ITGAX: variants seen among roughly 807,000 people sequenced by gnomAD.
ITGAX encodes integrin alpha-X.
Under a neutral mutation model 140.2 loss-of-function variants are expected in ITGAX, and 99 were observed. That is an observed-to-expected ratio of 0.71 (90% CI 0.60 to 0.83). The LOEUF (loss-of-function observed/expected upper bound fraction) is 0.83, where lower values mean the gene tolerates loss of function less well. Ranked by LOEUF, ITGAX falls within the 40% of genes least tolerant of loss-of-function variation. ITGAX has a pLI of 0.00. For synonymous variants in ITGAX, 631 were observed against 600.4 expected (o/e 1.05, Z -0.75); for missense variants, 1,444 against 1,482.0 (o/e 0.97, Z 0.42).
intron 14 of ITGAX, among the ~76,000 whole-genome samples, chr16:31,369,289 ACC>A (rs34126382): frequency 0.049 from 5,980 of 121,100 alleles, 527 homozygotes; most frequent in African/African-American, 0.16. Flanking sequence ...CGGGGGGCTG[ACC>A]CCCCCCCCCA....
At position 31,371,433 on chromosome 16, in the gene ITGAX, G is replaced by C. The variant is rs2080958385; in HGVS notation, c.1941G>C (p.Gln647His). ...FECREQVVSE[Q>H]TLVQSNICLY... ...GTCGGGAGCAGGTGGTCTCTGAGCA[G>C]ACCCTGGTACAGTCCAACATCTGCC... is the stretch of plus-strand genomic sequence containing the variant. The change falls in exon 16 of 30, where the codon CAG becomes CAC. Residue 647 changes from glutamine (Q) to histidine (H), a missense_variant. Gln to His is a conservative substitution (Grantham distance 24). Coordinates refer to ENST00000268296, the MANE Select transcript of ITGAX (RefSeq NM_000887.5). 1 of 1,614,176 alleles carries C rather than the reference G, an allele frequency of 6.2e-7. No homozygotes were observed. Among genetic ancestry groups the C allele is most frequent in the Non-Finnish European group, 8.5e-7 (1 of 1,180,040 alleles).
Position 31,381,898 on chromosome 16 carries a change from T to C in ITGAX, c.3483T>C (p.Ser1161=). 1 of 915,502 alleles carries C rather than the reference T, an allele frequency of 1.1e-6. No individual in the cohort carries two copies. Among genetic ancestry groups the C allele is most frequent in the Non-Finnish European group, 1.8e-6 (1 of 541,198 alleles). The allele number at this position is 915,502 out of a possible 1,614,324, so 56.7% of individuals were successfully genotyped here. The change falls in exon 30 of 30, where the codon AGT becomes AGC. Residue 1161 remains serine (S), a synonymous_variant. Coordinates refer to ENST00000268296, the MANE Select transcript of ITGAX (RefSeq NM_000887.5). ...GGACACAGACCCCCAGCCCGCCCAG[T>C]GAGAAATGATCCCCTCTTTGCCTTG... ...ENGTQTPSPP[S]EK
rs556834032 is a variant in ITGAX, at chr16:31,362,857, C to A, written c.1360-78C>A. ...GAGGGCCTTGGGGGAGGTCCTGGTA[C>A]CTGGGGAGAGGTGGGACCTGGCCCA... On this transcript the variant is annotated intron_variant, in intron 12 of 29. Coordinates refer to ENST00000268296, the MANE Select transcript of ITGAX (RefSeq NM_000887.5). The A allele has an allele frequency of 1.9e-6, 3 of 1,606,168 alleles. No homozygotes were observed. The highest frequency in any genetic ancestry group is 2.5e-6 in the Non-Finnish European group (3 of 1,176,822).
intron 20 of ITGAX, among the ~76,000 whole-genome samples, chr16:31,374,410 A>C (rs2081000729): frequency 6.6e-6 from 1 of 152,156 alleles, no homozygotes; most frequent in Non-Finnish European, 1.5e-5. Flanking sequence ...CATTTGTTTC[A>C]TCAATTTTTC....
In ITGAX at chr16:31,362,727, A is replaced by T; in HGVS notation, c.1333A>T (p.Met445Leu). The stretch of plus-strand genomic sequence containing the variant: ...CACCCAGGTGTCCAGGCAATGGAGG[A>T]TGAAGGCCGAAGTCACGGGGACTCA... Reference protein sequence around the residue: ...IFTQVSRQWRMKAEVTGTQIG... With the variant: ...IFTQVSRQWRLKAEVTGTQIG... The change falls in exon 12 of 30, where the codon ATG becomes TTG. Residue 445 changes from methionine to leucine, a missense_variant. Physicochemically the swap from Met to Leu is conservative, Grantham distance 15. Transcript: ENST00000268296. 2 of 1,613,756 alleles carry T rather than the reference A, an allele frequency of 1.2e-6. No individual in the cohort carries two copies. The highest frequency in any genetic ancestry group is 1.7e-6 in the Non-Finnish European group (2 of 1,179,838).
rs1397569396 is a variant in ITGAX, at chr16:31,362,650, G to C, written c.1256G>C (p.Ser419Thr). The C allele has an allele frequency of 6.2e-7, 1 of 1,613,350 alleles. No individual in the cohort carries two copies. Among genetic ancestry groups the C allele is most frequent in the Admixed American group, 1.7e-5 (1 of 59,984 alleles). Reference sequence around the variant, plus strand: ...CTGGCCCTCTGGAAAGGGGTGCAGAGCCTGGTCCTGGGGGCCCCCCGCTAC... The same window carrying C: ...CTGGCCCTCTGGAAAGGGGTGCAGACCCTGGTCCTGGGGGCCCCCCGCTAC... The part of the protein sequence containing the change: ...TELALWKGVQ[S>T]LVLGAPRYQH... The change falls in exon 12 of 30, where the codon AGC becomes ACC. Residue 419 changes from serine (S) to threonine (T), a missense_variant. Ser to Thr is a moderately conservative substitution (Grantham distance 58, BLOSUM62 1). Transcript: ENST00000268296.
rs770849465 is a variant in ITGAX, at chr16:31,355,343, C to T, written c.37+52C>T. 1.7e-5 allele frequency: 27 copies of T among 1,602,562 alleles called. No homozygotes were observed. In the African/African-American group the frequency reaches 3.3e-4, roughly 20 times the overall value. On this transcript the variant is annotated intron_variant, in intron 1 of 29. Transcript: ENST00000268296. The stretch of plus-strand genomic sequence containing the variant: ...GCTGGGGACCCAGGCCCAAGGGAGC[C>T]AGGGCCCTGAACTGGGGGCTCAGGC...
intron 19 of ITGAX, 41 bp from the exon 20 acceptor site, chr16:31,373,208 G>C: frequency 6.7e-7 from 1 of 1,495,158 alleles, no homozygotes; most frequent in Non-Finnish European, 9.1e-7. Context: ...TCTAGCCTCA[G>C]TCACAGAATC....
chr16:31,365,410 A>G (rs2080882923), intron 14 of ITGAX, among the ~76,000 whole-genome samples: 2 of 152,286 alleles, frequency 1.3e-5, no homozygotes, highest in South Asian at 2.1e-4. Context: ...AAAAAGTGCC[A>G]AGGAAGGTCC....
intron 20 of ITGAX, among the ~76,000 whole-genome samples, chr16:31,375,870 C>G (rs948481931): frequency 6.6e-6 from 1 of 152,128 alleles, no homozygotes; most frequent in African/African-American, 2.4e-5. Context: ...ATGGGTGGAC[C>G]TTTGCTGAAT....
At position 31,360,372 on chromosome 16, in the gene ITGAX, TC is replaced by T; in HGVS notation, c.771del (p.Thr258LeufsTer33). 6.8e-6 allele frequency: 11 copies of T among 1,614,046 alleles called. No individual in the cohort carries two copies. Among genetic ancestry groups the T allele is most frequent in the Non-Finnish European group, 9.3e-6 (11 of 1,179,982 alleles). On this transcript the variant is annotated frameshift_variant, in exon 8 of 30. Transcript: ENST00000268296. LOFTEE classifies it high-confidence loss of function. Reference protein sequence around the residue: ...RRDAAKILIVITDGKKEGDSL... With the variant: ...RRDAAKILIVXTDGKKEGDSL... ...GATGCCGCCAAAATTCTCATTGTCATCACTGATGGGAAGAAAGAAGGCGACA... is the reference window on the plus strand; with the variant it reads ...GATGCCGCCAAAATTCTCATTGTCATACTGATGGGAAGAAAGAAGGCGACA...
At chr16:31,379,287 T>C (rs940440139) in intron 23 of ITGAX, among the ~76,000 whole-genome samples, 3 of 152,046 alleles carry the variant, frequency 2.0e-5, no homozygotes, top group African/African-American at 7.2e-5. Context: ...TGGCTAATTT[T>C]TGTATTTTTA....
At position 31,359,812 on chromosome 16, in the gene ITGAX, C is replaced by CT; in HGVS notation, c.543_544insT (p.Gln182SerfsTer67). 1 of 1,614,144 alleles carries CT rather than the reference C, an allele frequency of 6.2e-7. No homozygotes were observed. The highest frequency in any genetic ancestry group is 2.2e-5 in the East Asian group (1 of 44,884). On this transcript the variant is annotated frameshift_variant, in exon 6 of 30. Coordinates refer to ENST00000268296, the MANE Select transcript of ITGAX (RefSeq NM_000887.5). LOFTEE classifies it high-confidence loss of function. ...TCGTGAGAGCTGTGATAAGCCAGTT[C>CT]CAGAGACCCAGCACCCAGGTGTGCC... is the stretch of plus-strand genomic sequence containing the variant.
At chr16:31,364,645 G>C (rs558169872) in intron 14 of ITGAX, among the ~76,000 whole-genome samples, 1 of 152,142 alleles carries the variant, frequency 6.6e-6, no homozygotes, top group African/African-American at 2.4e-5. Flanking sequence ...TGGAGAACCG[G>C]GCATCCTCCC....
intron 20 of ITGAX, among the ~76,000 whole-genome samples, chr16:31,373,787 C>T (rs7203903): frequency 0.033 from 5,085 of 152,254 alleles, 270 homozygotes; most frequent in African/African-American, 0.11. Flanking sequence ...ATTTCAGCTT[C>T]GTGGTCTGCG....
chr16:31,375,207 G>A (rs2081008965), intron 20 of ITGAX, among the ~76,000 whole-genome samples: 1 of 152,136 alleles, frequency 6.6e-6, no homozygotes, highest in South Asian at 2.1e-4. Context: ...GTAGAGATGG[G>A]GTTTCACCAT....
rs775534364 is a variant in ITGAX at position 31,371,090 on chromosome 16, G to T, written c.1717G>T (p.Ala573Ser). The change falls in exon 15 of 30, where the codon GCG (alanine) becomes TCG (serine). Residue 573 changes from alanine (A) to serine (S), a missense_variant. Physicochemically the swap from Ala to Ser is moderately conservative, Grantham distance 99. Transcript: ENST00000268296. ...CCTTCTCTCCTCTGGCCAGCGGATC[G>T]CGGGCTCCCAGCTCTCCTCCAGGCT... ...SISPSHSQRI[A>S]GSQLSSRLQY... 2.5e-6 allele frequency: 4 copies of T among 1,613,818 alleles called. No individual in the cohort carries two copies. The highest frequency in any genetic ancestry group is 3.4e-6 in the Non-Finnish European group (4 of 1,180,034).
chr16:31,366,308 G>A (rs1362524352), intron 14 of ITGAX, among the ~76,000 whole-genome samples: 1 of 151,964 alleles, frequency 6.6e-6, no homozygotes, highest in East Asian at 1.9e-4. Flanking sequence ...CCTCTTTTTG[G>A]GGCACCATGA....
chr16:31,379,922 T>G (rs973186325), intron 25 of ITGAX, 58 bp downstream of exon 25: 52 of 1,607,518 alleles, frequency 3.2e-5, no homozygotes, highest in Non-Finnish European at 4.4e-5. Flanking sequence ...GGATTCCTTG[T>G]GCCCCATGTG....
Sources: allele counts gnomAD v4.1 joint callset (sites outside exome capture counted in the v4.1 genomes callset), GRCh38; gene constraint gnomAD v4.1.1; transcripts MANE v1.5; gene names NCBI Gene and HGNC (gene_info 2026-07-23, HGNC 2026-07-21).